The following IKZF1 variants were observed in gnomAD, a reference collection of about 807,000 sequenced individuals.
The protein encoded by IKZF1 is DNA-binding protein Ikaros.
A neutral mutation model predicts 51.7 loss-of-function variants in IKZF1; 10 were observed. The observed-to-expected ratio is 0.19, with a 90% CI of 0.12 to 0.33. The LOEUF is 0.33. Ranked by LOEUF, IKZF1 falls within the 10% of genes least tolerant of loss-of-function variation. The pLI is 1.00. For synonymous variants in IKZF1, 280 were observed against 282.3 expected (o/e 0.99, Z 0.08); for missense variants, 484 against 707.5 (o/e 0.68, Z 3.58).
chr7:50,358,165 T>C (rs1020670132), intron 3 of IKZF1, among the ~76,000 whole-genome samples: 5 of 152,086 alleles, frequency 3.3e-5, no homozygotes, highest in Admixed American at 3.3e-4. Flanking sequence ...TATTTCCTGG[T>C]AAATGGTTGT....
At chr7:50,348,764 C>A (rs1801044922) in intron 3 of IKZF1, among the ~76,000 whole-genome samples, 1 of 152,212 alleles carries the variant, frequency 6.6e-6, no homozygotes, top group African/African-American at 2.4e-5. Context: ...TGTTATTTTG[C>A]ACAGTGATGT....
At chr7:50,397,280 C>T (rs2153513843) in intron 7 of IKZF1, among the ~76,000 whole-genome samples, 1 of 152,288 alleles carries the variant, frequency 6.6e-6, no homozygotes, top group Middle Eastern at 3.4e-3. Flanking sequence ...TATGACTATA[C>T]ATGACATGTT....
At chr7:50,341,737 G>T (rs1051517695) in intron 3 of IKZF1, among the ~76,000 whole-genome samples, 1 of 152,114 alleles carries the variant, frequency 6.6e-6, no homozygotes, top group Non-Finnish European at 1.5e-5. Flanking sequence ...TCTTAATTCA[G>T]TATGCTTAAA....
chr7:50,402,936 C>T lies in IKZF1; in HGVS notation c.*2309C>T. 4.4e-6 allele frequency: 1 copy of T among 228,524 alleles called. No individual in the cohort carries two copies. The highest frequency in any genetic ancestry group is 8.7e-6 in the Non-Finnish European group (1 of 115,034). 14.2% of individuals were successfully genotyped at this position (228,524 alleles called of 1,614,324 possible). A position where few individuals can be genotyped will look rare whatever the true frequency, so the allele number is the denominator to read the frequency against. On this transcript the variant is annotated 3_prime_UTR_variant, in exon 8 of 8. Transcript: ENST00000331340. The stretch of plus-strand genomic sequence containing the variant: ...AAGTTAATATCTCTAAGGTGAGAGC[C>T]TTCTTAGAGTCAGTTTGTTGCAAAT...
chr7:50,362,665 G>A (rs1805613652), intron 3 of IKZF1, among the ~76,000 whole-genome samples: 1 of 152,134 alleles, frequency 6.6e-6, no homozygotes, highest in Non-Finnish European at 1.5e-5. Flanking sequence ...AATATTACCT[G>A]CTGAGAAGTT....
chr7:50,321,991 C>T (rs6583439), intron 2 of IKZF1, among the ~76,000 whole-genome samples: 36 of 152,308 alleles, frequency 2.4e-4, no homozygotes, highest in Admixed American at 2.3e-3. Context: ...ATTTCTAAAA[C>T]ACTCATACTG....
chr7:50,352,849 A>G (rs916041699), intron 3 of IKZF1, among the ~76,000 whole-genome samples: 2 of 152,258 alleles, frequency 1.3e-5, no homozygotes, highest in African/African-American at 4.8e-5. Context: ...CAGCCATGAC[A>G]TATCATGGCA....
chr7:50,310,522 G>T (rs1351997752), intron 1 of IKZF1, among the ~76,000 whole-genome samples: 4 of 152,128 alleles, frequency 2.6e-5, no homozygotes, highest in Non-Finnish European at 5.9e-5. Flanking sequence ...CTCCCCCTGG[G>T]TTTGCATGAA....
At chr7:50,392,528 C>T (rs1815432009) in intron 7 of IKZF1, among the ~76,000 whole-genome samples, 2 of 152,184 alleles carry the variant, frequency 1.3e-5, no homozygotes, top group Non-Finnish European at 2.9e-5. Context: ...AGGCGCTAGG[C>T]TTGGGAACCA....
At chr7:50,380,812 C>T (rs993157022) in intron 4 of IKZF1, among the ~76,000 whole-genome samples, 2 of 152,218 alleles carry the variant, frequency 1.3e-5, no homozygotes, top group Non-Finnish European at 2.9e-5. Flanking sequence ...TAAATGATCT[C>T]TCTCCAGTGG....
chr7:50,306,244 C>T (rs1240573190), intron 1 of IKZF1, among the ~76,000 whole-genome samples: 1 of 152,140 alleles, frequency 6.6e-6, no homozygotes, highest in African/African-American at 2.4e-5. Context: ...ACTATTCTTG[C>T]TTGATGGAAT....
chr7:50,330,327 G>A (rs541553596), intron 3 of IKZF1, among the ~76,000 whole-genome samples: 2 of 152,330 alleles, frequency 1.3e-5, no homozygotes, highest in South Asian at 2.1e-4. Flanking sequence ...GTGGACAGGC[G>A]GGAACAGCCA....
chr7:50,353,536 G>GCTAA (rs1802422844), intron 3 of IKZF1, among the ~76,000 whole-genome samples: 1 of 152,202 alleles, frequency 6.6e-6, no homozygotes, highest in East Asian at 1.9e-4. Context: ...AGAGAGAAGG[G>GCTAA]CTAACCATCC....
chr7:50,322,710 T>C (rs888776444), intron 2 of IKZF1, among the ~76,000 whole-genome samples: 1 of 152,202 alleles, frequency 6.6e-6, no homozygotes, highest in Non-Finnish European at 1.5e-5. Flanking sequence ...GTTTGGTTTC[T>C]AAAGAAAGAG....
At chr7:50,311,703 A>G (rs953981758) in intron 1 of IKZF1, among the ~76,000 whole-genome samples, 10 of 152,188 alleles carry the variant, frequency 6.6e-5, no homozygotes, top group African/African-American at 2.2e-4. Context: ...GGATTTCTCT[A>G]TTATGTACAG....
Position 50,387,476 on chromosome 7 carries a change from C to CGCT in IKZF1, c.715+13_715+15dup. 6.2e-7 allele frequency: 1 copy of CGCT among 1,604,766 alleles called. No homozygotes were observed. The highest frequency in any genetic ancestry group is 8.5e-7 in the Non-Finnish European group (1 of 1,176,194). ...TCCGGGCACACTGTACCCAGGTAAG[C>CGCT]GCTGCTGCTCGGAGGCCAGCCTGGT... On this transcript the variant is annotated splice_region_variant and intron_variant, in intron 6 of 7. Coordinates refer to ENST00000331340, the MANE Select transcript of IKZF1 (RefSeq NM_006060.6).
intron 3 of IKZF1, among the ~76,000 whole-genome samples, chr7:50,346,282 A>G (rs1490616739): frequency 6.6e-6 from 1 of 152,200 alleles, no homozygotes; most frequent in Non-Finnish European, 1.5e-5. Context: ...CATCCTTAAC[A>G]GGTGATCACC....
At chr7:50,395,873 T>C (rs572441445) in intron 7 of IKZF1, among the ~76,000 whole-genome samples, 1 of 152,376 alleles carries the variant, frequency 6.6e-6, no homozygotes, top group African/African-American at 2.4e-5. Context: ...CTCTTTCTTT[T>C]TCTCCCTTGA....
At chr7:50,314,537 A>G (rs890271499) in intron 1 of IKZF1, among the ~76,000 whole-genome samples, 1 of 152,358 alleles carries the variant, frequency 6.6e-6, no homozygotes, top group East Asian at 1.9e-4. Context: ...TTTAACAGCT[A>G]TAAATTTGGG....
Sources: allele counts gnomAD v4.1 joint callset (sites outside exome capture counted in the v4.1 genomes callset), GRCh38; gene constraint gnomAD v4.1.1; transcripts MANE v1.5; gene names NCBI Gene and HGNC (gene_info 2026-07-23, HGNC 2026-07-21).